The following AGBL1 variants were observed in gnomAD, a reference collection of about 807,000 sequenced individuals.
AGBL1 encodes the protein cytosolic carboxypeptidase 4.
Under a neutral mutation model 118.9 loss-of-function variants are expected in AGBL1, and 130 were observed. The observed-to-expected ratio is 1.09, with a 90% CI of 0.95 to 1.26. The LOEUF (loss-of-function observed/expected upper bound fraction) is 1.26, where lower values mean the gene tolerates loss of function less well. AGBL1 is among the 50% of genes most tolerant of loss of function. AGBL1 has a pLI of 0.00. For synonymous variants in AGBL1, 555 were observed against 478.9 expected (o/e 1.16, Z -2.08); for missense variants, 1,584 against 1,298.1 (o/e 1.22, Z -3.38).
chr15:86,786,954 T>A (rs1402696884), intron 22 of AGBL1, among the ~76,000 whole-genome samples: 2 of 152,228 alleles, frequency 1.3e-5, no homozygotes, highest in Non-Finnish European at 2.9e-5. Flanking sequence ...GGTCTGCAAC[T>A]GGTGGTACCA....
intron 23 of AGBL1, among the ~76,000 whole-genome samples, chr15:86,983,877 T>G (rs927982076): frequency 2.0e-5 from 3 of 152,240 alleles, no homozygotes; most frequent in African/African-American, 7.2e-5. Flanking sequence ...CATAGGTAGT[T>G]CTCTTTGAGT....
intron 21 of AGBL1, among the ~76,000 whole-genome samples, chr15:86,574,378 C>A (rs2084052518): frequency 6.6e-6 from 1 of 152,098 alleles, no homozygotes; most frequent in Admixed American, 6.5e-5. Context: ...GTTGGCTTTG[C>A]TCTCTAGTAG....
chr15:86,824,138 C>T (rs1158396621), intron 22 of AGBL1, among the ~76,000 whole-genome samples: 1 of 151,922 alleles, frequency 6.6e-6, no homozygotes, highest in African/African-American at 2.4e-5. Flanking sequence ...GAAATCAAAT[C>T]CTCCCTATTT....
At chr15:86,978,657 C>G (rs1285282035) in intron 23 of AGBL1, among the ~76,000 whole-genome samples, 2 of 152,128 alleles carry the variant, frequency 1.3e-5, no homozygotes, top group East Asian at 3.9e-4. Flanking sequence ...TACTGAAGCC[C>G]TCAGAATCAG....
At chr15:86,256,013 C>T (rs937833820) in intron 7 of AGBL1, among the ~76,000 whole-genome samples, 3 of 152,158 alleles carry the variant, frequency 2.0e-5, no homozygotes, top group African/African-American at 7.2e-5. Context: ...GAGCTTTCTG[C>T]ACCCTTTAGG....
intron 5 of AGBL1, among the ~76,000 whole-genome samples, chr15:86,221,974 G>T (rs1251162683): frequency 6.6e-6 from 1 of 152,126 alleles, no homozygotes; most frequent in Non-Finnish European, 1.5e-5. Context: ...TTTCCAGTTT[G>T]AAAAACAGTG....
chr15:86,295,267 A>G lies in AGBL1; in HGVS notation c.2233A>G (p.Ile745Val). 1 of 1,613,636 alleles carries G rather than the reference A, an allele frequency of 6.2e-7. No homozygotes were observed. The highest frequency in any genetic ancestry group is 8.5e-7 in the Non-Finnish European group (1 of 1,179,684). ...TYTALMTHLD[I>V]LEKSVNLKEV... ...ATTTCTGCTCCAGACTCATCTTGAC[A>G]TCCTGGAAAAGAGTGTCAACCTCAA... The change falls in exon 17 of 23, where the codon ATC (isoleucine) becomes GTC (valine). Residue 745 changes from isoleucine to valine, a missense_variant. Physicochemically the swap from Ile to Val is conservative, Grantham distance 29. Transcript: ENST00000614907.
chr15:86,158,348 C>A (rs2077220902), intron 4 of AGBL1, among the ~76,000 whole-genome samples: 4 of 152,158 alleles, frequency 2.6e-5, no homozygotes. Flanking sequence ...CTCTTGTTCC[C>A]ACTCACTTTT....
chr15:86,284,164 G>A (rs7177314), intron 16 of AGBL1, among the ~76,000 whole-genome samples: 4,820 of 145,318 alleles, frequency 0.033, 105 homozygotes, highest in Middle Eastern at 0.068. Flanking sequence ...GAAGATACCC[G>A]TTCCATAATT....
At chr15:86,906,875 C>T (rs1235395772) in intron 22 of AGBL1, among the ~76,000 whole-genome samples, 1 of 152,144 alleles carries the variant, frequency 6.6e-6, no homozygotes, top group Non-Finnish European at 1.5e-5. Flanking sequence ...TTTAAAGGAG[C>T]AGTGATCTGA....
At chr15:86,208,244 GCATCGATGTT>G (rs1454961371) in intron 5 of AGBL1, among the ~76,000 whole-genome samples, 1 of 152,090 alleles carries the variant, frequency 6.6e-6, no homozygotes, top group Non-Finnish European at 1.5e-5. Context: ...GAGGATTTTT[GCATCGATGTT>G]CATCAGGGAT....
chr15:86,519,374 C>T (rs2083158983), intron 18 of AGBL1, among the ~76,000 whole-genome samples: 2 of 152,100 alleles, frequency 1.3e-5, no homozygotes, highest in Admixed American at 6.6e-5. Flanking sequence ...TGCTAATTCT[C>T]CCCCCATAGA....
At chr15:86,209,296 A>T (rs1190836741) in intron 5 of AGBL1, among the ~76,000 whole-genome samples, 3 of 152,124 alleles carry the variant, frequency 2.0e-5, no homozygotes, top group African/African-American at 7.2e-5. Context: ...TATTTTGTTG[A>T]CTTGGGGTGG....
At chr15:86,465,358 A>G (rs1477231925) in intron 18 of AGBL1, among the ~76,000 whole-genome samples, 1 of 152,158 alleles carries the variant, frequency 6.6e-6, no homozygotes, top group Non-Finnish European at 1.5e-5. Context: ...TGATTGCATT[A>G]TCTGCAAAAG....
At chr15:86,984,064 T>G (rs1471519608) in intron 23 of AGBL1, among the ~76,000 whole-genome samples, 1 of 152,200 alleles carries the variant, frequency 6.6e-6, no homozygotes, top group Non-Finnish European at 1.5e-5. Context: ...GAGAAATTTT[T>G]GGGTTGTATG....
chr15:86,308,901 A>G (rs1326614196), intron 17 of AGBL1, among the ~76,000 whole-genome samples: 1 of 152,062 alleles, frequency 6.6e-6, no homozygotes, highest in Admixed American at 6.6e-5. Context: ...TGCTTTGGCT[A>G]TTTGGGATCT....
At chr15:86,863,787 AAC>A (rs773508758) in intron 22 of AGBL1, among the ~76,000 whole-genome samples, 94 of 152,212 alleles carry the variant, frequency 6.2e-4, no homozygotes, top group Non-Finnish European at 7.8e-4. Context: ...TCTAAAGGAA[AAC>A]ACATGGGTTC....
intron 24 of AGBL1, among the ~76,000 whole-genome samples, chr15:87,018,371 C>G (rs1460237394): frequency 1.3e-5 from 2 of 151,996 alleles, no homozygotes; most frequent in Non-Finnish European, 2.9e-5. Context: ...AGAGAAAGGC[C>G]AGGTCACCTA....
chr15:86,281,937 G>A (rs531117075), intron 16 of AGBL1, among the ~76,000 whole-genome samples: 1 of 152,226 alleles, frequency 6.6e-6, no homozygotes, highest in Non-Finnish European at 1.5e-5. Flanking sequence ...CCGTGGATGT[G>A]GTTCAGCTGA....
Sources: allele counts gnomAD v4.1 joint callset (sites outside exome capture counted in the v4.1 genomes callset), GRCh38; gene constraint gnomAD v4.1.1; transcripts MANE v1.5; gene names NCBI Gene and HGNC (gene_info 2026-07-23, HGNC 2026-07-21).